SPAG16: variants seen among roughly 807,000 people sequenced by gnomAD.
SPAG16 encodes sperm-associated antigen 16 protein.
A neutral mutation model predicts 80.4 loss-of-function variants in SPAG16; 86 were observed. The observed-to-expected ratio is 1.07, with a 90% CI of 0.90 to 1.28. The LOEUF is 1.28. Ranked by LOEUF, SPAG16 falls within the 50% of genes most tolerant of loss-of-function variation. The probability of loss-of-function intolerance (pLI) is 0.00; values close to 1 mark genes in which losing one functional copy is unlikely to be tolerated. For missense variants in SPAG16, 870 were observed against 765.3 expected, an observed-to-expected ratio of 1.14 and a Z score of -1.61; for synonymous variants, 294 against 265.9, an observed-to-expected ratio of 1.11 and a Z score of -1.03.
chr2:213,795,317 C>G (rs2070956166), intron 10 of SPAG16, among the ~76,000 whole-genome samples: 1 of 152,104 alleles, frequency 6.6e-6, no homozygotes, highest in Non-Finnish European at 1.5e-5. Flanking sequence ...TTACACAGTA[C>G]TCAGTATGTG....
rs572016692 is a variant in SPAG16 at position 214,048,570 on chromosome 2, C to G, written c.1527+34493C>G. On this transcript the variant is annotated intron_variant, in intron 13 of 15. Transcript: ENST00000331683. The stretch of plus-strand genomic sequence containing the variant: ...CAGAGACTAGGAAGGGGGTAGTAGA[C>G]GGGTGGCGGGGGGAAGTAGGAATGA... Among the ~76,000 whole-genome samples the G allele has an allele frequency of 6.7e-5, 10 of 149,180 alleles. No individual in the cohort carries two copies. In the East Asian group the frequency reaches 2.0e-3, roughly 30 times the overall value.
chr2:213,541,516 A>G lies in SPAG16; in HGVS notation c.1070+51426A>G, dbSNP rs1418429593. On this transcript the variant is annotated intron_variant, in intron 10 of 15. Transcript: ENST00000331683. ...ACACCTGTAGTCCAAGCTCCTTGGG[A>G]GGCTGAGGCAAGAGGATAGCTCGAA... Among the ~76,000 whole-genome samples the G allele has an allele frequency of 2.0e-5, 3 of 152,160 alleles. No individual in the cohort carries two copies. In the East Asian group the frequency reaches 5.8e-4, roughly 29 times the overall value.
rs79821764 is a variant in SPAG16 at position 213,724,163 on chromosome 2, T to C, written c.1071-138322T>C. ...ATGAGTGGAAATAGTATAAGGAAAA[T>C]ATTGTCTTGGGAAAAATAGCTCACT... On this transcript the variant is annotated intron_variant, in intron 10 of 15. Transcript: ENST00000331683. Among the ~76,000 whole-genome samples, 636 of 152,192 alleles carry C rather than the reference T, an allele frequency of 4.2e-3. 2 individuals carry two copies. The highest frequency in any genetic ancestry group is 7.5e-3 in the Non-Finnish European group (511 of 68,006).
intron 10 of SPAG16, among the ~76,000 whole-genome samples, chr2:213,764,911 T>A (rs899752636): frequency 1.6e-4 from 25 of 152,242 alleles, no homozygotes; most frequent in African/African-American, 5.3e-4. Flanking sequence ...TGCATAAAAG[T>A]CTGAAAGCAC....
intron 11 of SPAG16, among the ~76,000 whole-genome samples, chr2:213,927,295 A>C (rs1013285228): frequency 2.0e-5 from 3 of 152,238 alleles, no homozygotes; most frequent in Non-Finnish European, 4.4e-5. Flanking sequence ...CAGTCAGTCC[A>C]TAACATTCAC....
intron 10 of SPAG16, among the ~76,000 whole-genome samples, chr2:213,603,119 GTA>G (rs1053827114): frequency 6.6e-6 from 1 of 152,232 alleles, no homozygotes; most frequent in African/African-American, 2.4e-5. Flanking sequence ...TTTTCATGTT[GTA>G]ACTAGACTGA....
At position 213,935,740 on chromosome 2, in the gene SPAG16, A is replaced by T. The variant is rs934409076; in HGVS notation, c.1400+5595A>T. Among the ~76,000 whole-genome samples, 4 of 152,334 alleles carry T rather than the reference A, an allele frequency of 2.6e-5. No homozygotes were observed. The East Asian group carries it at 7.7e-4, about 29-fold the overall frequency. On this transcript the variant is annotated intron_variant, in intron 12 of 15. Transcript: ENST00000331683. Reference sequence around the variant, plus strand: ...GATAGGAATGAGTTTTGCTCATTGTAGTTAAGCTGATGGAATAAAAACAGT... The same window carrying T: ...GATAGGAATGAGTTTTGCTCATTGTTGTTAAGCTGATGGAATAAAAACAGT...
In SPAG16 at chr2:214,354,606, C is replaced by T. The variant is rs555526657; in HGVS notation, c.1721-55534C>T. ...ACCTTGAGCAGTATGGCCATTTTCA[C>T]GATATTGATTCTTCCTACCCATGAG... On this transcript the variant is annotated intron_variant, in intron 15 of 15. Coordinates refer to ENST00000331683, the MANE Select transcript of SPAG16 (RefSeq NM_024532.5). Among the ~76,000 whole-genome samples, 935 of 152,072 alleles carry T rather than the reference C, an allele frequency of 6.1e-3. 10 individuals carry two copies. The highest frequency in any genetic ancestry group is 0.021 in the African/African-American group (883 of 41,446).
intron 9 of SPAG16, among the ~76,000 whole-genome samples, chr2:213,391,800 A>G (rs1256803671): frequency 6.6e-6 from 1 of 152,190 alleles, no homozygotes; most frequent in Non-Finnish European, 1.5e-5. Flanking sequence ...TAGCCATTTT[A>G]TTATGCAATG....
At chr2:213,727,325 T>TA (rs1283190277) in intron 10 of SPAG16, among the ~76,000 whole-genome samples, 2 of 152,116 alleles carry the variant, frequency 1.3e-5, no homozygotes, top group Non-Finnish European at 2.9e-5. Flanking sequence ...GCAGTTTTTT[T>TA]AAAAAAAAGT....
intron 10 of SPAG16, among the ~76,000 whole-genome samples, chr2:213,727,389 G>A (rs2066817990): frequency 6.6e-6 from 1 of 152,086 alleles, no homozygotes; most frequent in Non-Finnish European, 1.5e-5. Flanking sequence ...ATAAATCAAT[G>A]GAGTGTGACA....
chr2:213,774,010 A>G (rs1374641838), intron 10 of SPAG16, among the ~76,000 whole-genome samples: 1 of 152,104 alleles, frequency 6.6e-6, no homozygotes, highest in Non-Finnish European at 1.5e-5. Flanking sequence ...CTCTTTTAGA[A>G]TCCTCTGTCT....
At chr2:214,125,520 A>C (rs1160034839) in intron 14 of SPAG16, among the ~76,000 whole-genome samples, 1 of 151,712 alleles carries the variant, frequency 6.6e-6, no homozygotes, top group Non-Finnish European at 1.5e-5. Context: ...TAGTGAAAAA[A>C]AATGTAGAAT....
chr2:213,479,213 CTA>C (rs1449180590), intron 9 of SPAG16, among the ~76,000 whole-genome samples: 1 of 146,630 alleles, frequency 6.8e-6, no homozygotes, highest in Non-Finnish European at 1.5e-5. Flanking sequence ...ATGGTCAACT[CTA>C]TCACTGTCTT....
At chr2:213,951,358 C>A (rs1315897687) in intron 12 of SPAG16, among the ~76,000 whole-genome samples, 1 of 151,986 alleles carries the variant, frequency 6.6e-6, no homozygotes, top group Non-Finnish European at 1.5e-5. Context: ...TAAAATTCAT[C>A]TAAGAATAGC....
At chr2:213,507,458 C>T (rs150438559) in intron 10 of SPAG16, among the ~76,000 whole-genome samples, 247 of 152,282 alleles carry the variant, frequency 1.6e-3, no homozygotes, top group African/African-American at 5.7e-3. Context: ...AAACACATCT[C>T]ATGATAGTTT....
At chr2:214,235,258 T>A (rs1312268539) in intron 15 of SPAG16, among the ~76,000 whole-genome samples, 1 of 152,134 alleles carries the variant, frequency 6.6e-6, no homozygotes, top group Non-Finnish European at 1.5e-5. Flanking sequence ...AAATGTAAGT[T>A]GATTTTATTA....
chr2:213,811,147 C>T (rs559020930), intron 10 of SPAG16, among the ~76,000 whole-genome samples: 3 of 152,116 alleles, frequency 2.0e-5, no homozygotes, highest in Non-Finnish European at 4.4e-5. Flanking sequence ...TCAGTTTTTA[C>T]ACTTCTGCTT....
intron 10 of SPAG16, among the ~76,000 whole-genome samples, chr2:213,740,745 A>G (rs1031413791): frequency 1.9e-4 from 29 of 152,210 alleles, no homozygotes; most frequent in Non-Finnish European, 2.9e-5. Context: ...GAGAAAGGGT[A>G]ACTGTTGGCT....
Sources: allele counts gnomAD v4.1 joint callset (sites outside exome capture counted in the v4.1 genomes callset), GRCh38; gene constraint gnomAD v4.1.1; transcripts MANE v1.5; gene names NCBI Gene and HGNC (gene_info 2026-07-23, HGNC 2026-07-21).